Variants in TBC1D22A observed in about 807,000 individuals in gnomAD.
TBC1D22A encodes TBC1 domain family member 22A.
TBC1D22A carries 38 observed loss-of-function variants against 60.2 expected under a neutral mutation model. The ratio of observed to expected loss-of-function variants is 0.63; its 90% CI spans 0.49 to 0.83. The LOEUF (loss-of-function observed/expected upper bound fraction) is 0.83, where lower values mean the gene tolerates loss of function less well. Among genes scored for constraint, TBC1D22A ranks in the 40% least tolerant of loss-of-function variants. The pLI is 0.00. For synonymous variants in TBC1D22A, 302 were observed against 281.7 expected, an observed-to-expected ratio of 1.07 and a Z score of -0.72; for missense variants, 628 against 701.0, an observed-to-expected ratio of 0.90 and a Z score of 1.18.
chr22:47,104,326 C>CT (rs1343256876), intron 11 of TBC1D22A, among the ~76,000 whole-genome samples: 20 of 151,458 alleles, frequency 1.3e-4, no homozygotes, highest in Non-Finnish European at 4.4e-5. Flanking sequence ...AAAAGAATCT[C>CT]TATTAACATA....
At chr22:46,829,404 G>A (rs575651588) in intron 4 of TBC1D22A, among the ~76,000 whole-genome samples, 1 of 152,190 alleles carries the variant, frequency 6.6e-6, no homozygotes, top group Admixed American at 6.5e-5. Flanking sequence ...AGGGGTTTGT[G>A]AGGGATGGTC....
chr22:46,786,977 T>G (rs1229423792), intron 1 of TBC1D22A, among the ~76,000 whole-genome samples: 2 of 152,212 alleles, frequency 1.3e-5, no homozygotes, highest in African/African-American at 4.8e-5. Flanking sequence ...TGAGCCAGTG[T>G]GCCCGGCCTC....
chr22:46,962,312 A>C (rs1330105080), intron 8 of TBC1D22A, among the ~76,000 whole-genome samples: 1 of 152,252 alleles, frequency 6.6e-6, no homozygotes, highest in East Asian at 1.9e-4. Flanking sequence ...TCTCACTGTA[A>C]TGAGAAGTTT....
chr22:47,170,537 G>A (rs1271325512), intron 12 of TBC1D22A, among the ~76,000 whole-genome samples: 2 of 152,184 alleles, frequency 1.3e-5, no homozygotes, highest in Admixed American at 6.5e-5. Flanking sequence ...TCCAAAATGC[G>A]AAAGGAAATG....
chr22:46,871,360 G>C (rs927338193), intron 4 of TBC1D22A, among the ~76,000 whole-genome samples: 2 of 152,232 alleles, frequency 1.3e-5, no homozygotes, highest in Non-Finnish European at 2.9e-5. Flanking sequence ...TTATCAACCA[G>C]TGGGATCTAA....
rs564107566 is a variant in TBC1D22A, at chr22:47,134,426, C to T, written c.1425+22823C>T. ...GGAAGGAAGGCGGGTTCTGCTGGAG[C>T]AGCACTGGTTGGTAGCCCACCGCCC... On this transcript the variant is annotated intron_variant, in intron 12 of 12. Coordinates refer to ENST00000337137, the MANE Select transcript of TBC1D22A (RefSeq NM_014346.5). Among the ~76,000 whole-genome samples the T allele has an allele frequency of 1.1e-3, 173 of 152,366 alleles. 1 individual carries two copies. Among genetic ancestry groups the T allele is most frequent in the Admixed American group, 5.4e-3 (83 of 15,302 alleles).
intron 8 of TBC1D22A, among the ~76,000 whole-genome samples, chr22:46,924,173 G>A (rs2070915181): frequency 6.6e-6 from 1 of 152,192 alleles, no homozygotes; most frequent in South Asian, 2.1e-4. Context: ...CTATTTAAAT[G>A]TAGAAACAGT....
At chr22:46,988,578 G>C (rs2074815217) in intron 9 of TBC1D22A, among the ~76,000 whole-genome samples, 1 of 152,222 alleles carries the variant, frequency 6.6e-6, no homozygotes, top group African/African-American at 2.4e-5. Flanking sequence ...GGGACCAGGT[G>C]CATTGTCCAT....
chr22:46,765,304 C>T (rs1417219310), intron 1 of TBC1D22A, among the ~76,000 whole-genome samples: 1 of 152,126 alleles, frequency 6.6e-6, no homozygotes, highest in Non-Finnish European at 1.5e-5. Context: ...GAGGGGTGCC[C>T]GTTTTCCTAT....
rs537405322 is a variant in TBC1D22A at position 46,768,359 on chromosome 22, C to T, written c.62+5511C>T. Among the ~76,000 whole-genome samples, 102 of 152,022 alleles carry T rather than the reference C, an allele frequency of 6.7e-4. No homozygotes were observed. In the South Asian group the frequency reaches 0.014, roughly 21 times the overall value. On this transcript the variant is annotated intron_variant, in intron 1 of 12. Transcript: ENST00000337137. ...AGTTAGCCAGGCGTGGTGGCAGGCG[C>T]CTGTAATCCCAGCTGCTTGGGAGGC...
At chr22:46,840,846 T>C (rs1037073106) in intron 4 of TBC1D22A, among the ~76,000 whole-genome samples, 2 of 152,010 alleles carry the variant, frequency 1.3e-5, no homozygotes, top group Non-Finnish European at 2.9e-5. Context: ...TGGAAAACGG[T>C]ATGGAGGGTC....
intron 4 of TBC1D22A, among the ~76,000 whole-genome samples, chr22:46,851,066 G>A (rs888305395): frequency 3.9e-5 from 6 of 152,182 alleles, no homozygotes; most frequent in Admixed American, 1.3e-4. Flanking sequence ...TGGAAATGTC[G>A]GTGGTAAGGG....
At chr22:46,873,557 G>GT (rs2067391521) in intron 4 of TBC1D22A, among the ~76,000 whole-genome samples, 1 of 152,042 alleles carries the variant, frequency 6.6e-6, no homozygotes, top group East Asian at 1.9e-4. Flanking sequence ...GGATGTGCAG[G>GT]TTTGTTACCT....
chr22:46,976,486 A>G (rs944644828), intron 9 of TBC1D22A, among the ~76,000 whole-genome samples: 1 of 152,182 alleles, frequency 6.6e-6, no homozygotes, highest in Admixed American at 6.5e-5. Context: ...TCTAGCGACT[A>G]GTGTTTACAA....
rs1352595742 is a variant in TBC1D22A, at chr22:46,941,350, G to A, written c.1015+29162G>A. On this transcript the variant is annotated intron_variant, in intron 8 of 12. Coordinates refer to ENST00000337137, the MANE Select transcript of TBC1D22A (RefSeq NM_014346.5). ...GGGCACTACAATATATATATATATA[G>A]AATATATATACAGAATATATATACA... 3.4e-5 allele frequency among the ~76,000 whole-genome samples: 5 copies of A among 147,320 alleles called. No individual in the cohort carries two copies. In the East Asian group the frequency reaches 9.8e-4, roughly 29 times the overall value.
chr22:46,923,488 C>G (rs1243391081), intron 8 of TBC1D22A, among the ~76,000 whole-genome samples: 1 of 152,228 alleles, frequency 6.6e-6, no homozygotes, highest in Non-Finnish European at 1.5e-5. Flanking sequence ...TAGCCTGGGT[C>G]TCTTCTCTAG....
chr22:47,029,703 G>C (rs2062398483), intron 10 of TBC1D22A, among the ~76,000 whole-genome samples: 1 of 152,242 alleles, frequency 6.6e-6, no homozygotes. Context: ...TTGCCAGCGA[G>C]TGTCCTGTGC....
chr22:47,098,330 G>C (rs1215675796), intron 11 of TBC1D22A, among the ~76,000 whole-genome samples: 2 of 152,196 alleles, frequency 1.3e-5, no homozygotes, highest in African/African-American at 2.4e-5. Context: ...TCTTCTCATG[G>C]ACTTGTTTTT....
chr22:46,810,106 T>C lies in TBC1D22A; in HGVS notation c.637+12486T>C, dbSNP rs1033356522. 2.6e-5 allele frequency among the ~76,000 whole-genome samples: 4 copies of C among 152,342 alleles called. 1 individual carries two copies. In the Middle Eastern group the frequency reaches 0.01, roughly 389 times the overall value. On this transcript the variant is annotated intron_variant, in intron 4 of 12. Transcript: ENST00000337137. ...TCAGCTCACGCATACAGAAGTGATG[T>C]TCCTGGGTGTTCTGGAGGAGGGAGG...
Sources: gnomAD v4.1 joint callset for allele counts (sites outside exome capture counted in the v4.1 genomes callset) on GRCh38, gnomAD v4.1.1 for gene constraint, MANE v1.5 for transcripts, NCBI Gene and HGNC (gene_info 2026-07-23, HGNC 2026-07-21) for gene names.